Variants in RUNX1 observed in about 807,000 individuals in gnomAD.
RUNX1 encodes the protein RUNX family transcription factor 1, also known as runt-related transcription factor 1.
A neutral mutation model predicts 42.8 loss-of-function variants in RUNX1; 19 were observed. The observed-to-expected ratio is 0.44, with a 90% confidence interval of 0.31 to 0.65. The LOEUF (loss-of-function observed/expected upper bound fraction) is 0.65. Ranked by LOEUF, RUNX1 falls within the 30% of genes least tolerant of loss-of-function variation. The pLI, the probability that RUNX1 is intolerant of heterozygous loss-of-function variation, is 0.07. For missense variants in RUNX1, 528 were observed against 672.0 expected (o/e 0.79, Z 2.37); for synonymous variants, 271 against 289.4 (o/e 0.94, Z 0.64).
chr21:35,025,162 T>C (rs2059226579), intron 2 of RUNX1, among the ~76,000 whole-genome samples: 1 of 152,240 alleles, frequency 6.6e-6, no homozygotes, highest in Non-Finnish European at 1.5e-5. Context: ...TTCTGAAATA[T>C]ATGGCTAAAA....
chr21:34,969,788 A>T (rs2058748887), intron 2 of RUNX1, among the ~76,000 whole-genome samples: 1 of 151,526 alleles, frequency 6.6e-6, no homozygotes, highest in East Asian at 1.9e-4. Flanking sequence ...AAGGCCAGGC[A>T]GAATCTAATT....
intron 5 of RUNX1, among the ~76,000 whole-genome samples, chr21:34,871,559 A>G (rs8129960): frequency 0.043 from 6,617 of 152,182 alleles, 429 homozygotes; most frequent in African/African-American, 0.15. Context: ...GAGTCTCCCT[A>G]CGGATTTTTG....
chr21:34,890,237 C>T (rs1251650981), intron 3 of RUNX1, among the ~76,000 whole-genome samples: 1 of 151,856 alleles, frequency 6.6e-6, no homozygotes, highest in African/African-American at 2.4e-5. Context: ...CCCTGGACGC[C>T]GCGCGCAGTC....
chr21:34,987,595 A>G (rs2058900464), intron 2 of RUNX1, among the ~76,000 whole-genome samples: 1 of 152,148 alleles, frequency 6.6e-6, no homozygotes, highest in Non-Finnish European at 1.5e-5. Context: ...CACAAATGTG[A>G]GTCTGGTTGA....
At position 34,792,301 on chromosome 21, in the gene RUNX1, G is replaced by C; in HGVS notation, c.1277C>G (p.Pro426Arg). ...FSMVGGERSP[P>R]RILPPCTNAS... ...GTTGGTGCAGGGCGGCAGGATGCGC[G>C]GCGGCGAGCGCTCGCCGCCCACCAT... The change falls in exon 9 of 9, where the codon CCG (proline) becomes CGG (arginine). Residue 426 changes from proline (P) to arginine (R), a missense_variant. By Grantham distance (103) the Pro-to-Arg change is moderately radical. Coordinates refer to ENST00000675419, the MANE Select transcript of RUNX1 (RefSeq NM_001754.5). This position sits in a 1 kb window ranked among gnomAD's most constrained non-coding sequence, Gnocchi z 6.9. The C allele has an allele frequency of 6.5e-7, 1 of 1,543,336 alleles. No homozygotes were observed. Among genetic ancestry groups the C allele is most frequent in the East Asian group, 2.4e-5 (1 of 40,958 alleles).
At chr21:34,898,869 C>G (rs2058151816) in intron 2 of RUNX1, among the ~76,000 whole-genome samples, 1 of 152,194 alleles carries the variant, frequency 6.6e-6, no homozygotes, top group African/African-American at 2.4e-5. Flanking sequence ...GCCGCTGGTT[C>G]AAGGTCTGCA....
chr21:34,950,325 G>T (rs2058597203), intron 2 of RUNX1, among the ~76,000 whole-genome samples: 1 of 152,160 alleles, frequency 6.6e-6, no homozygotes, highest in African/African-American at 2.4e-5. Flanking sequence ...TTATGAGAAA[G>T]AAACTGTATT....
intron 2 of RUNX1, among the ~76,000 whole-genome samples, chr21:34,933,747 C>T (rs191744110): frequency 8.6e-4 from 131 of 152,338 alleles, no homozygotes; most frequent in African/African-American, 3.1e-3. Context: ...CACTCCAGAC[C>T]TTCCTGGCTC....
At chr21:34,968,926 C>T (rs541016387) in intron 2 of RUNX1, among the ~76,000 whole-genome samples, 1 of 152,226 alleles carries the variant, frequency 6.6e-6, no homozygotes, top group African/African-American at 2.4e-5. Context: ...TCAGTAACCC[C>T]GCCGGCAATT....
At chr21:34,981,168 TA>T (rs753388400) in intron 2 of RUNX1, among the ~76,000 whole-genome samples, 1 of 152,210 alleles carries the variant, frequency 6.6e-6, no homozygotes, top group African/African-American at 2.4e-5. Context: ...GCGGCTTTAA[TA>T]GCATTGCTTG....
intron 2 of RUNX1, among the ~76,000 whole-genome samples, chr21:35,034,123 T>C (rs2059290939): frequency 6.6e-6 from 1 of 152,174 alleles, no homozygotes; most frequent in Non-Finnish European, 1.5e-5. Flanking sequence ...TAGGATTGAG[T>C]GCAGCCCTGC....
intron 7 of RUNX1, among the ~76,000 whole-genome samples, chr21:34,831,719 A>G (rs1040223493): frequency 1.1e-4 from 17 of 152,230 alleles, no homozygotes; most frequent in Admixed American, 8.5e-4. Context: ...GTATCTTCGT[A>G]AATATAACAT....
chr21:35,048,151 A>G (rs149420544), intron 2 of RUNX1, among the ~76,000 whole-genome samples: 4 of 152,350 alleles, frequency 2.6e-5, no homozygotes, highest in Admixed American at 6.5e-5. Flanking sequence ...AGACCTCGGT[A>G]TGCCACAATT....
intron 2 of RUNX1, among the ~76,000 whole-genome samples, chr21:34,967,329 A>AAAAAAAAAAAAAAAAAAAAAAAAG (rs2058727840): frequency 7.5e-6 from 1 of 133,174 alleles, no homozygotes; most frequent in Non-Finnish European, 1.6e-5. Context: ...CAAAAAAAAA[A>AAAAAAAAAAAAAAAAAAAAAAAAG]AAAAAAAAAA....
chr21:34,965,442 C>T (rs568234854), intron 2 of RUNX1, among the ~76,000 whole-genome samples: 2 of 151,958 alleles, frequency 1.3e-5, no homozygotes, highest in East Asian at 1.9e-4. Context: ...TCCGTTTTTA[C>T]ATAGGTACCT....
chr21:34,958,530 C>T (rs1440719844), intron 2 of RUNX1, among the ~76,000 whole-genome samples: 2 of 152,166 alleles, frequency 1.3e-5, no homozygotes, highest in African/African-American at 4.8e-5. Flanking sequence ...GAATGGCGAT[C>T]ATTCAAAAGT....
chr21:34,803,841 A>G (rs1429600348), intron 7 of RUNX1, among the ~76,000 whole-genome samples: 1 of 152,188 alleles, frequency 6.6e-6, no homozygotes, highest in Non-Finnish European at 1.5e-5. Context: ...AGAAAGGAGA[A>G]TGCTTTTATC....
At position 34,791,598 on chromosome 21, in the gene RUNX1, C is replaced by G. The variant is rs948197223; in HGVS notation, c.*537G>C. The G allele has an allele frequency of 2.6e-5, 6 of 229,800 alleles. No individual in the cohort carries two copies. Among genetic ancestry groups the G allele is most frequent in the Non-Finnish European group, 5.2e-5 (6 of 115,932 alleles). 14.2% of individuals were successfully genotyped at this position (229,800 alleles called of 1,614,324 possible). The stretch of plus-strand genomic sequence containing the variant: ...TATAAACGTATATAAAAATAAAAAC[C>G]ACCCAAATGCAAATACGCATTTTGC... On this transcript the variant is annotated 3_prime_UTR_variant, in exon 9 of 9. Transcript: ENST00000675419.
At chr21:34,962,073 A>T (rs919789132) in intron 2 of RUNX1, among the ~76,000 whole-genome samples, 31 of 152,066 alleles carry the variant, frequency 2.0e-4, no homozygotes, top group Non-Finnish European at 3.4e-4. Context: ...TTGAAAAAAA[A>T]TTTTTTGTAG....
Sources: allele counts gnomAD v4.1 joint callset (sites outside exome capture counted in the v4.1 genomes callset), GRCh38; gene constraint gnomAD v4.1.1; non-coding constraint Gnocchi (gnomAD v3.1); transcripts MANE v1.5; gene names NCBI Gene and HGNC (gene_info 2026-07-23, HGNC 2026-07-21).